WDR37: variants seen among roughly 807,000 people sequenced by gnomAD.
WDR37 encodes WD repeat-containing protein 37.
WDR37 carries 19 observed loss-of-function variants against 62.9 expected under a neutral mutation model. The observed-to-expected ratio is 0.30, with a 90% confidence interval of 0.21 to 0.44. WDR37 has a LOEUF of 0.44. Ranked by LOEUF, WDR37 falls within the 20% of genes least tolerant of loss-of-function variation. The pLI is 1.00. For missense variants in WDR37, 474 were observed against 657.6 expected, an observed-to-expected ratio of 0.72 and a Z score of 3.05; for synonymous variants, 250 against 260.9, an observed-to-expected ratio of 0.96 and a Z score of 0.40.
intron 11 of WDR37, among the ~76,000 whole-genome samples, chr10:1,122,370 C>T (rs1484510219): frequency 1.3e-5 from 2 of 152,136 alleles, no homozygotes; most frequent in African/African-American, 4.8e-5. Flanking sequence ...GTGAGTGACC[C>T]CAGTTTTTGT....
At chr10:1,112,082 A>G (rs1835235478) in intron 11 of WDR37, among the ~76,000 whole-genome samples, 1 of 151,988 alleles carries the variant, frequency 6.6e-6, no homozygotes, top group Non-Finnish European at 1.5e-5. Context: ...ACCTTGTTTG[A>G]TTGCACTCCG....
rs200657141 is a variant in WDR37 at position 1,072,181 on chromosome 10, C to T, written c.26C>T (p.Ser9Leu). 12 of 1,614,102 alleles carry T rather than the reference C, an allele frequency of 7.4e-6. No individual in the cohort carries two copies. Among genetic ancestry groups the T allele is most frequent in the East Asian group, 2.2e-5 (1 of 44,884 alleles). MPTESASC[S>L]TARQTKQKRK... The stretch of plus-strand genomic sequence containing the variant: ...ATGCCCACAGAAAGCGCAAGTTGTT[C>T]GACTGCTCGCCAAACAAAACAGAAG... Residue 9 changes from serine to leucine, a missense_variant, in exon 2 of 14, where the codon TCG becomes TTG. Physicochemically the swap from Ser to Leu is moderately radical, Grantham distance 145. Transcript: ENST00000263150.
At chr10:1,122,534 CCAGCCCTGAGCCAGGCAGGACGCG>C in intron 11 of WDR37, among the ~76,000 whole-genome samples, 1 of 152,336 alleles carries the variant, frequency 6.6e-6, no homozygotes, top group South Asian at 2.1e-4. Flanking sequence ...GGGACCCACC[CCAGCCCTGAGCCAGGCAGGACGCG>C]CAGCCCCCTG....
chr10:1,116,718 G>A (rs1835412510), intron 11 of WDR37, among the ~76,000 whole-genome samples: 1 of 152,228 alleles, frequency 6.6e-6, no homozygotes, highest in African/African-American at 2.4e-5. Flanking sequence ...CCAGAGAACT[G>A]TAGTGGGCAG....
At chr10:1,102,316 G>T (rs1397272052) in intron 9 of WDR37, among the ~76,000 whole-genome samples, 1 of 151,984 alleles carries the variant, frequency 6.6e-6, no homozygotes, top group Non-Finnish European at 1.5e-5. Flanking sequence ...CCGTGCTGCT[G>T]TGCGTCCCTG....
intron 3 of WDR37, among the ~76,000 whole-genome samples, 182 bp from the exon 4 acceptor site, chr10:1,079,829 A>C (rs11250253): frequency 0.14 from 20,591 of 152,086 alleles, 1,513 homozygotes; most frequent in East Asian, 0.19. Context: ...CCAGCCTCGA[A>C]TGGTTTCTTT....
intron 2 of WDR37, among the ~76,000 whole-genome samples, chr10:1,075,109 AG>A (rs1050488504): frequency 1.3e-5 from 2 of 152,164 alleles, no homozygotes; most frequent in African/African-American, 4.8e-5. Context: ...TGGCACAGAA[AG>A]GGAGAACTGA....
At chr10:1,092,903 A>AAAAAAAAAAACC (rs1834448341) in intron 7 of WDR37, among the ~76,000 whole-genome samples, 1 of 147,326 alleles carries the variant, frequency 6.8e-6, no homozygotes, top group African/African-American at 2.5e-5. Context: ...AAAAAAGAAG[A>AAAAAAAAAAACC]CCTCTGCCAA....
intron 12 of WDR37, 59 bp from the exon 13 acceptor site, chr10:1,124,851 C>T (rs1367133488): frequency 3.1e-6 from 5 of 1,589,012 alleles, no homozygotes; most frequent in Non-Finnish European, 4.3e-6. Flanking sequence ...TATCTGTCAA[C>T]TCAAAAACTT....
intron 9 of WDR37, among the ~76,000 whole-genome samples, chr10:1,102,014 C>T (rs1834824505): frequency 6.6e-6 from 1 of 151,356 alleles, no homozygotes; most frequent in African/African-American, 2.5e-5. Context: ...GACGTGCTTT[C>T]CCTTGCTGCT....
At chr10:1,104,480 C>T (rs1181232048) in intron 10 of WDR37, among the ~76,000 whole-genome samples, 1 of 152,250 alleles carries the variant, frequency 6.6e-6, no homozygotes, top group Admixed American at 6.5e-5. Context: ...TTCTGGGACC[C>T]TTTTTAAGGG....
intron 13 of WDR37, among the ~76,000 whole-genome samples, chr10:1,126,670 A>G (rs544346217): frequency 1.2e-4 from 18 of 152,268 alleles, no homozygotes; most frequent in African/African-American, 4.1e-4. Context: ...CGTGGGCCGC[A>G]GCTGCTCTGC....
At chr10:1,076,274 C>A (rs1218879167) in intron 2 of WDR37, among the ~76,000 whole-genome samples, 1 of 151,982 alleles carries the variant, frequency 6.6e-6, no homozygotes, top group African/African-American at 2.4e-5. Flanking sequence ...TGTGAGAAAT[C>A]TGTGATAACT....
intron 13 of WDR37, among the ~76,000 whole-genome samples, chr10:1,126,522 C>G (rs1835786116): frequency 6.6e-6 from 1 of 152,178 alleles, no homozygotes; most frequent in South Asian, 2.1e-4. Flanking sequence ...TGTTGGAGTA[C>G]TGTCTGGATA....
chr10:1,089,283 G>A (rs185188978), intron 7 of WDR37, among the ~76,000 whole-genome samples: 2 of 152,154 alleles, frequency 1.3e-5, no homozygotes, highest in African/African-American at 4.8e-5. Flanking sequence ...TCCTGTCACG[G>A]CCGCTCACGT....
intron 1 of WDR37, among the ~76,000 whole-genome samples, chr10:1,062,558 T>G (rs1420690434): frequency 6.6e-6 from 1 of 152,234 alleles, no homozygotes; most frequent in African/African-American, 2.4e-5. Flanking sequence ...AGGACAGCTT[T>G]CACAGGCTTT....
intron 7 of WDR37, among the ~76,000 whole-genome samples, chr10:1,090,630 C>T (rs556512723): frequency 6.6e-6 from 1 of 152,136 alleles, no homozygotes; most frequent in South Asian, 2.1e-4. Context: ...CCGCTCTGGC[C>T]CCCAGGAGAG....
chr10:1,117,916 G>A (rs994997699), intron 11 of WDR37, among the ~76,000 whole-genome samples: 3 of 150,882 alleles, frequency 2.0e-5, no homozygotes, highest in African/African-American at 4.9e-5. Context: ...TCTGAGCCGC[G>A]TGCACTCAGC....
intron 1 of WDR37, among the ~76,000 whole-genome samples, chr10:1,065,253 A>T (rs1470933269): frequency 6.6e-6 from 1 of 152,212 alleles, no homozygotes; most frequent in African/African-American, 2.4e-5. Context: ...TACGTTATAA[A>T]TGGGGAAAGG....
Sources: gnomAD v4.1 joint callset for allele counts (sites outside exome capture counted in the v4.1 genomes callset) on GRCh38, gnomAD v4.1.1 for gene constraint, MANE v1.5 for transcripts, NCBI Gene and HGNC (gene_info 2026-07-23, HGNC 2026-07-21) for gene names.